The following NOX1 variants were observed in gnomAD, a reference collection of about 807,000 sequenced individuals.
NOX1 encodes the protein NADH/NADPH mitogenic oxidase subunit P65-MOX.
NOX1 carries 34 observed loss-of-function variants against 42.5 expected under a neutral mutation model. The ratio of observed to expected loss-of-function variants is 0.80; its 90% CI spans 0.61 to 1.07. The LOEUF is 1.07. NOX1 is among the 50% of genes least tolerant of loss of function. NOX1 has a pLI of 0.00. For synonymous variants in NOX1, 143 were observed against 152.5 expected, an observed-to-expected ratio of 0.94 and a Z score of 0.46; for missense variants, 408 against 427.0, an observed-to-expected ratio of 0.96 and a Z score of 0.39.
At chrX:100,846,088 A>C (rs573518561) in intron 12 of NOX1, among the ~76,000 whole-genome samples, 2 of 109,495 alleles carry the variant, frequency 1.8e-5, no homozygotes, top group Middle Eastern at 4.8e-3. Context: ...GCCCGGCCTA[A>C]TTTTTTGTAT....
At chrX:100,867,018 A>G (rs1003346311) in intron 2 of NOX1, among the ~76,000 whole-genome samples, 44 of 111,681 alleles carry the variant, frequency 3.9e-4, no homozygotes, top group Non-Finnish European at 7.5e-4. Flanking sequence ...GTCTACAAAA[A>G]AAAAGTATTT....
intron 2 of NOX1, among the ~76,000 whole-genome samples, chrX:100,868,723 T>TA (rs1556141534): frequency 4.0e-4 from 44 of 110,328 alleles, no homozygotes; most frequent in Admixed American, 1.7e-3. Context: ...TCCTTTTTTT[T>TA]AAAAAAAAAC....
At chrX:100,849,093 G>GAAT (rs2085095166) in intron 11 of NOX1, among the ~76,000 whole-genome samples, 187 bp downstream of exon 11, 1 of 110,445 alleles carries the variant, frequency 9.1e-6, no homozygotes, top group Non-Finnish European at 1.9e-5. Context: ...AAAAAAAAAA[G>GAAT]AAGAAAGAAA....
At position 100,843,614 on chromosome X, in the gene NOX1, T is replaced by TG. The variant is rs1455884772; in HGVS notation, c.*337dup. 6 of 530,785 alleles carry TG rather than the reference T, an allele frequency of 1.1e-5. No individual in the cohort carries two copies. Among genetic ancestry groups the TG allele is most frequent in the Non-Finnish European group, 1.7e-5 (6 of 357,523 alleles). The allele number at this position is 530,785 out of a possible 1,213,427, so 43.7% of individuals were successfully genotyped here. The stretch of plus-strand genomic sequence containing the variant: ...ACTCAGGAGATGGTAACACTGGAAT[T>TG]GATAAAATCACCTGGGATTAGTTGT... On this transcript the variant is annotated 3_prime_UTR_variant, in exon 13 of 13. Transcript: ENST00000372966.
chrX:100,848,573 G>T (rs917185804), intron 12 of NOX1, 57 bp downstream of exon 12: 14 of 1,143,383 alleles, frequency 1.2e-5, no homozygotes, highest in Non-Finnish European at 1.6e-5. Flanking sequence ...ATTACAGGCA[G>T]TAAGCCACCA....
At chrX:100,860,547 A>T (rs751775989) in intron 7 of NOX1, among the ~76,000 whole-genome samples, 1 of 111,912 alleles carries the variant, frequency 8.9e-6, no homozygotes, top group East Asian at 2.8e-4. Context: ...AACATTAAGC[A>T]TCATTTCATA....
In NOX1 at chrX:100,857,206, T is replaced by C. The variant is rs1412536319; in HGVS notation, c.804+4965A>G. Among the ~76,000 whole-genome samples the C allele has an allele frequency of 6.2e-5, 7 of 112,208 alleles. No individual in the cohort carries two copies. In the Admixed American group the frequency reaches 6.6e-4, roughly 11 times the overall value. On this transcript the variant is annotated intron_variant, in intron 7 of 12. Coordinates refer to ENST00000372966, the MANE Select transcript of NOX1 (RefSeq NM_007052.5). ...TCCATCCATCTTGCTGCAAAGGACA[T>C]GATCTTGTTATTTTTTATGGCTGCG...
intron 2 of NOX1, among the ~76,000 whole-genome samples, chrX:100,868,448 G>C (rs1221312143): frequency 9.0e-6 from 1 of 111,184 alleles, no homozygotes; most frequent in East Asian, 2.8e-4. Context: ...CAGCCTGTGA[G>C]AGAACCATCC....
chrX:100,843,349 T>A lies in NOX1; in HGVS notation c.*603A>T. On this transcript the variant is annotated 3_prime_UTR_variant, in exon 13 of 13. Coordinates refer to ENST00000372966, the MANE Select transcript of NOX1 (RefSeq NM_007052.5). ...TCAAGTGAAGAAGAAAATCCTTTATTTTTTGATGAGCAAAAATAAGAATAA... is the reference window on the plus strand; with the variant it reads ...TCAAGTGAAGAAGAAAATCCTTTATATTTTGATGAGCAAAAATAAGAATAA... 9.2e-7 allele frequency: 1 copy of A among 1,086,033 alleles called. No homozygotes were observed. Among genetic ancestry groups the A allele is most frequent in the Non-Finnish European group, 1.2e-6 (1 of 839,384 alleles). The allele number at this position is 1,086,033 out of a possible 1,213,427, so 89.5% of individuals were successfully genotyped here.
chrX:100,865,818 G>T (rs2147918458), intron 2 of NOX1, among the ~76,000 whole-genome samples: 1 of 112,219 alleles, frequency 8.9e-6, no homozygotes, highest in East Asian at 2.8e-4. Context: ...ACACTAACTT[G>T]ATGTCATTGA....
intron 7 of NOX1, among the ~76,000 whole-genome samples, chrX:100,852,195 G>T (rs954277616): frequency 8.9e-6 from 1 of 111,855 alleles, no homozygotes; most frequent in African/African-American, 3.2e-5. Context: ...TTGGCCAGGC[G>T]CAGTGGCTCA....
At chrX:100,859,318 G>T (rs2147913841) in intron 7 of NOX1, among the ~76,000 whole-genome samples, 2 of 112,042 alleles carry the variant, frequency 1.8e-5, no homozygotes, top group Admixed American at 1.9e-4. Context: ...TTGATGTGCT[G>T]CTGGATTCAG....
At position 100,851,294 on chromosome X, in the gene NOX1, A is replaced by G. The variant is rs1322817387; in HGVS notation, c.836T>C (p.Leu279Pro). Reference protein sequence around the residue: ...SWKWILAPVILYICERILRFY... With the variant: ...SWKWILAPVIPYICERILRFY... ...CCGGAGGATCCTTTCACAGATATAA[A>G]GAATGACCGGTGCAAGGATCCACTT... Residue 279 changes from leucine to proline, a missense_variant, in exon 8 of 13, where the codon CTT (leucine) becomes CCT (proline). Transcript: ENST00000372966. 8.4e-7 allele frequency: 1 copy of G among 1,193,458 alleles called. No homozygotes were observed. The highest frequency in any genetic ancestry group is 1.1e-6 in the Non-Finnish European group (1 of 881,840).
chrX:100,848,595 T>C, intron 12 of NOX1, 35 bp downstream of exon 12: 1 of 1,185,964 alleles, frequency 8.4e-7, no homozygotes, highest in Middle Eastern at 2.4e-4. Context: ...GCACGGCCCC[T>C]GTAAACTCAT....
At chrX:100,844,181 T>A in intron 12 of NOX1, 103 bp from the exon 13 acceptor site, 1 of 807,296 alleles carries the variant, frequency 1.2e-6, no homozygotes. Context: ...TGAATAAAAA[T>A]TCGGTTGTTT....
chrX:100,852,164 A>AT (rs907783726), intron 7 of NOX1, among the ~76,000 whole-genome samples: 5 of 111,729 alleles, frequency 4.5e-5, no homozygotes, highest in Non-Finnish European at 9.4e-5. Context: ...CCTTGTCTAC[A>AT]TTTTTTTTAA....
chrX:100,870,833 A>G lies in NOX1; in HGVS notation c.46-19T>C, dbSNP rs1269211735. Reference sequence around the variant, plus strand: ...AAACAACCTAGAGAAAGAAAAAAAAACATGCAAAGAATAAAGTGAAATTTG... The same window carrying G: ...AAACAACCTAGAGAAAGAAAAAAAAGCATGCAAAGAATAAAGTGAAATTTG... On this transcript the variant is annotated intron_variant, in intron 1 of 12. Coordinates refer to ENST00000372966, the MANE Select transcript of NOX1 (RefSeq NM_007052.5). 3.0e-6 allele frequency: 3 copies of G among 1,011,104 alleles called. No homozygotes were observed. The highest frequency in any genetic ancestry group is 2.6e-4 in the Middle Eastern group (1 of 3,872). The allele number at this position is 1,011,104 out of a possible 1,213,427, so 83.3% of individuals were successfully genotyped here.
rs1408970840 is a variant in NOX1, at chrX:100,851,288, A to C, written c.842T>G (p.Ile281Ser). The C allele has an allele frequency of 7.5e-6, 9 of 1,194,600 alleles. No individual in the cohort carries two copies. The African/African-American group carries it at 1.4e-4, about 19-fold the overall frequency. ...GTAAAACCGGAGGATCCTTTCACAG[A>C]TATAAAGAATGACCGGTGCAAGGAT... is the stretch of plus-strand genomic sequence containing the variant. ...KWILAPVILY[I>S]CERILRFYRS... is the part of the protein sequence containing the mutation. The change falls in exon 8 of 13, where the codon ATC (isoleucine) becomes AGC (serine). Residue 281 changes from isoleucine to serine, a missense_variant. Coordinates refer to ENST00000372966, the MANE Select transcript of NOX1 (RefSeq NM_007052.5).
In NOX1 at chrX:100,843,934, C is replaced by T. The variant is rs372032095; in HGVS notation, c.*18G>A. The T allele has an allele frequency of 3.4e-6, 4 of 1,185,985 alleles. No homozygotes were observed. The highest frequency in any genetic ancestry group is 4.6e-6 in the Non-Finnish European group (4 of 875,756). On this transcript the variant is annotated 3_prime_UTR_variant, in exon 13 of 13. Transcript: ENST00000372966. ...TACAAAGAGACAAAATGCAGATTAC[C>T]GTCCTTATTCCTATAACTCAAAAAT...
Sources: gnomAD v4.1 joint callset for allele counts (sites outside exome capture counted in the v4.1 genomes callset) on GRCh38, gnomAD v4.1.1 for gene constraint, MANE v1.5 for transcripts, NCBI Gene and HGNC (gene_info 2026-07-23, HGNC 2026-07-21) for gene names.